Variants in ST8SIA1 observed in about 807,000 individuals in gnomAD.
ST8SIA1 encodes alpha-N-acetylneuraminide alpha-2,8-sialyltransferase.
In ST8SIA1, 16 loss-of-function variants were observed where a neutral mutation model predicts 35.9. That is an observed-to-expected ratio of 0.45 (90% confidence interval 0.30 to 0.68). The LOEUF is 0.68. Ranked by LOEUF, ST8SIA1 falls within the 30% of genes least tolerant of loss-of-function variation. The probability of loss-of-function intolerance (pLI) is 0.09; values close to 1 mark genes in which losing one functional copy is unlikely to be tolerated. For synonymous variants in ST8SIA1, 170 were observed against 169.6 expected (o/e 1.00, Z -0.02); for missense variants, 383 against 453.6 (o/e 0.84, Z 1.41).
At position 22,216,590 on chromosome 12, in the gene ST8SIA1, CTTTATT is replaced by C. The variant is rs1286424987; in HGVS notation, c.585-14558_585-14553del. On this transcript the variant is annotated intron_variant, in intron 4 of 4. Transcript: ENST00000396037. ...TATCTAACTTTGTGTTCTCTTATCA[CTTTATT>C]TTTATCAAGGTACTTGTCATCTTGC... 4.6e-5 allele frequency among the ~76,000 whole-genome samples: 7 copies of C among 152,260 alleles called. No individual in the cohort carries two copies. In the East Asian group the frequency reaches 1.4e-3, roughly 29 times the overall value.
Position 22,263,820 on chromosome 12 carries a change from A to G in ST8SIA1, c.382-8431T>C, listed in dbSNP as rs1004827449. 2.0e-5 allele frequency among the ~76,000 whole-genome samples: 3 copies of G among 152,218 alleles called. No homozygotes were observed. In the South Asian group the frequency reaches 6.2e-4, roughly 31 times the overall value. ...CAAGTGCCACAATCAAGAAGAATCA[A>G]TAGCAGTGTTAGCTGCAGGTCTCAA... On this transcript the variant is annotated intron_variant, in intron 2 of 4. Coordinates refer to ENST00000396037, the MANE Select transcript of ST8SIA1 (RefSeq NM_003034.4).
At chr12:22,255,157 A>G in intron 3 of ST8SIA1, 123 bp downstream of exon 3, 1 of 755,100 alleles carries the variant, frequency 1.3e-6, no homozygotes, top group Non-Finnish European at 2.3e-6. Flanking sequence ...CTGGAAGTGA[A>G]GCTAAGGAGC....
At chr12:22,238,450 G>C (rs1865501059) in intron 4 of ST8SIA1, among the ~76,000 whole-genome samples, 1 of 152,168 alleles carries the variant, frequency 6.6e-6, no homozygotes, top group South Asian at 2.1e-4. Context: ...GACTACACAG[G>C]AAGGGAGATG....
intron 1 of ST8SIA1, among the ~76,000 whole-genome samples, chr12:22,329,745 G>A (rs2135848648): frequency 6.6e-6 from 1 of 152,302 alleles, no homozygotes; most frequent in Non-Finnish European, 1.5e-5. Context: ...TGGAACTGCT[G>A]AAAACAGTCG....
At chr12:22,218,022 G>A (rs1033983261) in intron 4 of ST8SIA1, among the ~76,000 whole-genome samples, 6 of 152,140 alleles carry the variant, frequency 3.9e-5, no homozygotes, top group African/African-American at 1.4e-4. Context: ...AACTGTCAGT[G>A]AACACTTAGA....
chr12:22,255,714 A>G (rs1865721875), intron 2 of ST8SIA1, among the ~76,000 whole-genome samples: 1 of 152,080 alleles, frequency 6.6e-6, no homozygotes, highest in Admixed American at 6.6e-5. Context: ...TAAACACAGG[A>G]TTATTTTTAA....
intron 2 of ST8SIA1, among the ~76,000 whole-genome samples, chr12:22,259,208 T>C (rs1438459142): frequency 6.6e-6 from 1 of 152,148 alleles, no homozygotes; most frequent in Non-Finnish European, 1.5e-5. Context: ...TTAGTAATAA[T>C]TTTTATTAAC....
At chr12:22,331,448 C>T (rs562975368) in intron 1 of ST8SIA1, among the ~76,000 whole-genome samples, 10 of 152,288 alleles carry the variant, frequency 6.6e-5, no homozygotes, top group African/African-American at 2.4e-4. Context: ...TGACACCATT[C>T]CATGATTTGT....
intron 1 of ST8SIA1, among the ~76,000 whole-genome samples, chr12:22,305,257 A>G (rs7965977): frequency 0.015 from 2,339 of 152,324 alleles, 70 homozygotes; most frequent in African/African-American, 0.053. Context: ...ATCAGAAAAA[A>G]GGATAGACTA....
intron 1 of ST8SIA1, among the ~76,000 whole-genome samples, chr12:22,303,285 G>C (rs1165740962): frequency 6.6e-6 from 1 of 151,960 alleles, no homozygotes; most frequent in East Asian, 1.9e-4. Context: ...CCCAAAATTA[G>C]GTCAAGATCT....
At chr12:22,240,214 T>C (rs1865524345) in intron 4 of ST8SIA1, among the ~76,000 whole-genome samples, 1 of 152,148 alleles carries the variant, frequency 6.6e-6, no homozygotes, top group Non-Finnish European at 1.5e-5. Flanking sequence ...AATTGACATA[T>C]GGTACATTAA....
intron 1 of ST8SIA1, among the ~76,000 whole-genome samples, chr12:22,295,432 A>G (rs1224052004): frequency 6.6e-6 from 1 of 152,176 alleles, no homozygotes; most frequent in Non-Finnish European, 1.5e-5. Context: ...ACTCAAAGAC[A>G]TGGCAAAACC....
At chr12:22,311,216 A>G (rs1244727192) in intron 1 of ST8SIA1, among the ~76,000 whole-genome samples, 1 of 152,176 alleles carries the variant, frequency 6.6e-6, no homozygotes, top group Non-Finnish European at 1.5e-5. Flanking sequence ...GTTTCTGTCC[A>G]TAAGAATCTC....
At chr12:22,309,727 C>G (rs1297610429) in intron 1 of ST8SIA1, among the ~76,000 whole-genome samples, 1 of 152,106 alleles carries the variant, frequency 6.6e-6, no homozygotes, top group Non-Finnish European at 1.5e-5. Context: ...AGAAATAAAG[C>G]TCTCCTTTCC....
intron 2 of ST8SIA1, among the ~76,000 whole-genome samples, chr12:22,259,779 A>AT (rs1050043260): frequency 4.6e-5 from 7 of 152,210 alleles, no homozygotes; most frequent in African/African-American, 1.7e-4. Flanking sequence ...AATACTATGG[A>AT]TTTTTTAAAG....
At chr12:22,328,183 G>C (rs1484239769) in intron 1 of ST8SIA1, among the ~76,000 whole-genome samples, 1 of 152,194 alleles carries the variant, frequency 6.6e-6, no homozygotes, top group Non-Finnish European at 1.5e-5. Flanking sequence ...AGCTCTTTGA[G>C]AATACAAAGG....
At chr12:22,301,991 T>C (rs1866324054) in intron 1 of ST8SIA1, among the ~76,000 whole-genome samples, 1 of 152,204 alleles carries the variant, frequency 6.6e-6, no homozygotes. Flanking sequence ...ATAATTATTC[T>C]TGCTGTACTT....
At position 22,328,270 on chromosome 12, in the gene ST8SIA1, T is replaced by C. The variant is rs559205393; in HGVS notation, c.236+5727A>G. On this transcript the variant is annotated intron_variant, in intron 1 of 4. Transcript: ENST00000396037. ...GTCTCATTAAATATTTGTTGACCAA[T>C]TGGGTGGCTATCTGGTTCCACACCT... is the stretch of plus-strand genomic sequence containing the variant. Among the ~76,000 whole-genome samples, 3 of 152,328 alleles carry C rather than the reference T, an allele frequency of 2.0e-5. No homozygotes were observed. In the East Asian group the frequency reaches 5.8e-4, roughly 29 times the overall value.
At chr12:22,257,707 G>A (rs1361304377) in intron 2 of ST8SIA1, among the ~76,000 whole-genome samples, 1 of 151,986 alleles carries the variant, frequency 6.6e-6, no homozygotes, top group African/African-American at 2.4e-5. Context: ...TGGAGATGAA[G>A]AAGCGAGGCA....
Sources: allele counts gnomAD v4.1 joint callset (sites outside exome capture counted in the v4.1 genomes callset), GRCh38; gene constraint gnomAD v4.1.1; transcripts MANE v1.5; gene names NCBI Gene and HGNC (gene_info 2026-07-23, HGNC 2026-07-21).